The following PCDH15 variants were observed in gnomAD, a reference collection of about 807,000 sequenced individuals.
PCDH15 encodes the protein protocadherin-15.
In PCDH15, 129 loss-of-function variants were observed where a neutral mutation model predicts 178.5. That is an observed-to-expected ratio of 0.72 (90% confidence interval 0.63 to 0.84). The LOEUF (loss-of-function observed/expected upper bound fraction) is 0.84. Among genes scored for constraint, PCDH15 ranks in the 40% least tolerant of loss-of-function variants. The pLI, the probability that PCDH15 is intolerant of heterozygous loss-of-function variation, is 0.00. For missense variants in PCDH15, 2,230 were observed against 2,099.9 expected, an observed-to-expected ratio of 1.06 and a Z score of -1.21; for synonymous variants, 800 against 732.0, an observed-to-expected ratio of 1.09 and a Z score of -1.50.
intron 23 of PCDH15, among the ~76,000 whole-genome samples, chr10:53,957,722 A>G (rs1420322462): frequency 6.6e-6 from 1 of 152,130 alleles, no homozygotes; most frequent in East Asian, 1.9e-4. Context: ...ACCTCGGGCA[A>G]CAAACTGTGA....
intron 1 of PCDH15, among the ~76,000 whole-genome samples, chr10:55,264,522 A>T (rs1842230190): frequency 6.6e-6 from 1 of 152,170 alleles, no homozygotes; most frequent in South Asian, 2.1e-4. Flanking sequence ...GGCCTCAGGG[A>T]TGCCAGGTGG....
At chr10:55,603,396 C>G (rs1157740184) in intron 2 of PCDH15, among the ~76,000 whole-genome samples, 2 of 151,272 alleles carry the variant, frequency 1.3e-5, no homozygotes, top group Admixed American at 6.6e-5. Flanking sequence ...ACAGAGAACG[C>G]CACAAAGATA....
intron 2 of PCDH15, among the ~76,000 whole-genome samples, chr10:55,032,261 A>ATGTCTGTGTCCT (rs1840630872): frequency 6.6e-6 from 1 of 152,204 alleles, no homozygotes; most frequent in Non-Finnish European, 1.5e-5. Flanking sequence ...CAAAGTGGCA[A>ATGTCTGTGTCCT]AGGCTAGGCT....
intron 2 of PCDH15, among the ~76,000 whole-genome samples, chr10:54,994,787 C>T (rs551114618): frequency 2.3e-4 from 35 of 152,236 alleles, no homozygotes; most frequent in African/African-American, 7.5e-4. Flanking sequence ...ACAACCTAAT[C>T]TACAACCATT....
chr10:54,788,315 T>C (rs1391958202), intron 1 of PCDH15, among the ~76,000 whole-genome samples: 4 of 151,770 alleles, frequency 2.6e-5, no homozygotes, highest in Non-Finnish European at 5.9e-5. Context: ...GGAGAAGAGA[T>C]CATGAACTTA....
intron 2 of PCDH15, among the ~76,000 whole-genome samples, chr10:55,490,125 G>A (rs1260149955): frequency 6.6e-6 from 1 of 151,624 alleles, no homozygotes; most frequent in Non-Finnish European, 1.5e-5. Flanking sequence ...TGTAAAAAGG[G>A]AAATAAACAG....
chr10:55,585,453 C>G (rs1207650114), intron 2 of PCDH15, among the ~76,000 whole-genome samples: 1 of 152,116 alleles, frequency 6.6e-6, no homozygotes, highest in East Asian at 1.9e-4. Context: ...CCAAGGAGGG[C>G]TGATCCTGAG....
At chr10:54,411,341 T>A (rs1054850434) in intron 3 of PCDH15, among the ~76,000 whole-genome samples, 6 of 152,104 alleles carry the variant, frequency 3.9e-5, no homozygotes, top group Non-Finnish European at 8.8e-5. Context: ...TGAAAGAATT[T>A]AAAAAATGAC....
chr10:55,385,717 A>ATG (rs1228855221), intron 2 of PCDH15, among the ~76,000 whole-genome samples: 3 of 145,780 alleles, frequency 2.1e-5, no homozygotes, highest in Non-Finnish European at 4.5e-5. Flanking sequence ...ATATATATAT[A>ATG]TGCATATATA....
chr10:54,541,004 T>C lies in PCDH15; in HGVS notation c.92-13127A>G, dbSNP rs578180080. 4.1e-4 allele frequency among the ~76,000 whole-genome samples: 62 copies of C among 152,224 alleles called. No homozygotes were observed. In the South Asian group the frequency reaches 0.012, roughly 30 times the overall value. On this transcript the variant is annotated intron_variant, in intron 2 of 37. Coordinates refer to ENST00000644397, the MANE Select transcript of PCDH15 (RefSeq NM_001384140.1). The stretch of plus-strand genomic sequence containing the variant: ...CAACAAACTCTGTATCAAGGGAACA[T>C]ATCTCAAAATAATAGGAGCCATATA...
chr10:55,181,641 A>T (rs1839650875), intron 1 of PCDH15, among the ~76,000 whole-genome samples: 1 of 151,972 alleles, frequency 6.6e-6, no homozygotes, highest in Non-Finnish European at 1.5e-5. Context: ...TTAAAAAAGA[A>T]GGCTAACATT....
At chr10:54,315,709 G>A (rs1329692663) in intron 8 of PCDH15, among the ~76,000 whole-genome samples, 1 of 83,968 alleles carries the variant, frequency 1.2e-5, no homozygotes, top group Non-Finnish European at 3.0e-5. Context: ...TTTTGGTTAT[G>A]GTATAAGGAG....
intron 2 of PCDH15, among the ~76,000 whole-genome samples, chr10:54,920,093 A>G (rs937700902): frequency 6.6e-6 from 1 of 152,212 alleles, no homozygotes; most frequent in Non-Finnish European, 1.5e-5. Flanking sequence ...TGAATAATTT[A>G]CGTATCCATA....
At chr10:54,906,548 A>T (rs546425748) in intron 2 of PCDH15, among the ~76,000 whole-genome samples, 18 of 152,166 alleles carry the variant, frequency 1.2e-4, no homozygotes, top group African/African-American at 4.3e-4. Context: ...GATTTATTTG[A>T]GGATTGTTTG....
intron 2 of PCDH15, among the ~76,000 whole-genome samples, chr10:55,449,719 T>A (rs1459250584): frequency 6.6e-6 from 1 of 152,180 alleles, no homozygotes; most frequent in Non-Finnish European, 1.5e-5. Context: ...CAAATTTTAA[T>A]TATCTTCTTT....
chr10:55,378,201 G>A (rs991719680), intron 2 of PCDH15, among the ~76,000 whole-genome samples: 1 of 152,060 alleles, frequency 6.6e-6, no homozygotes, highest in Admixed American at 6.6e-5. Flanking sequence ...AGAACTTAAA[G>A]TATAATAATA....
chr10:54,097,901 G>GTAATAAATAAAGT, intron 15 of PCDH15, among the ~76,000 whole-genome samples: 1 of 152,246 alleles, frequency 6.6e-6, no homozygotes, highest in South Asian at 2.1e-4. Flanking sequence ...TTATTAGACT[G>GTAATAAATAAAGT]CAAGGATAAA....
Position 55,471,122 on chromosome 10 carries a change from A to G in PCDH15, c.-156+156503T>C, listed in dbSNP as rs1451732367. Among the ~76,000 whole-genome samples, 5 of 152,184 alleles carry G rather than the reference A, an allele frequency of 3.3e-5. No homozygotes were observed. The East Asian group carries it at 5.8e-4, about 18-fold the overall frequency. On this transcript the variant is annotated intron_variant, in intron 2 of 5. Transcript: ENST00000613346. ...TAGTTATGAATAATGCTGCTTAAAC[A>G]TCTGTACTGATTTTAGTGTGAATAT...
intron 2 of PCDH15, among the ~76,000 whole-genome samples, chr10:54,616,588 T>C (rs1248941333): frequency 1.3e-5 from 2 of 152,052 alleles, no homozygotes; most frequent in Non-Finnish European, 2.9e-5. Flanking sequence ...GGGTACAGAA[T>C]TCTGATTTTT....
Sources: gnomAD v4.1 joint callset for allele counts (sites outside exome capture counted in the v4.1 genomes callset) on GRCh38, gnomAD v4.1.1 for gene constraint, MANE v1.5 for transcripts, NCBI Gene and HGNC (gene_info 2026-07-23, HGNC 2026-07-21) for gene names.